Variants in DOCK3 observed in about 807,000 individuals in gnomAD.
DOCK3 encodes dedicator of cytokinesis protein 3.
In DOCK3, 60 loss-of-function variants were observed where a neutral mutation model predicts 265.6. The observed-to-expected ratio is 0.23, with a 90% CI of 0.18 to 0.28. The LOEUF (loss-of-function observed/expected upper bound fraction) is 0.28. DOCK3 is among the 10% of genes least tolerant of loss of function. DOCK3 has a pLI of 1.00. For missense variants in DOCK3, 1,981 were observed against 2,594.3 expected (o/e 0.76, Z 5.14); for synonymous variants, 881 against 938.0 (o/e 0.94, Z 1.11).
chr3:50,933,512 A>G (rs190697812), intron 4 of DOCK3, among the ~76,000 whole-genome samples: 73 of 152,332 alleles, frequency 4.8e-4, no homozygotes, highest in African/African-American at 1.7e-3. Flanking sequence ...GGGAGTATGC[A>G]TTAAACTTTT....
intron 3 of DOCK3, among the ~76,000 whole-genome samples, chr3:50,867,605 GTT>G (rs55872881): frequency 0.11 from 15,570 of 141,358 alleles, 921 homozygotes; most frequent in Non-Finnish European, 0.13. Flanking sequence ...CTAGTTACCT[GTT>G]TTTTTTTTTT....
chr3:51,265,197 G>C (rs971521391), intron 23 of DOCK3, among the ~76,000 whole-genome samples: 1 of 152,166 alleles, frequency 6.6e-6, no homozygotes, highest in Non-Finnish European at 1.5e-5. Context: ...ATCTGAAATT[G>C]AGGTAGAAAT....
intron 5 of DOCK3, among the ~76,000 whole-genome samples, chr3:50,970,256 A>G (rs1172965244): frequency 6.6e-6 from 1 of 152,000 alleles, no homozygotes; most frequent in African/African-American, 2.4e-5. Flanking sequence ...AGATAGTTGG[A>G]TGACTATGTC....
intron 32 of DOCK3, 65 bp downstream of exon 32, chr3:51,315,193 C>G: frequency 6.8e-7 from 1 of 1,474,006 alleles, no homozygotes; most frequent in East Asian, 2.5e-5. Context: ...GGCAGGTGGC[C>G]TAGATGACCA....
At chr3:51,086,045 T>C (rs1261817345) in intron 7 of DOCK3, among the ~76,000 whole-genome samples, 1 of 152,162 alleles carries the variant, frequency 6.6e-6, no homozygotes, top group Non-Finnish European at 1.5e-5. Flanking sequence ...ATCAGGAGTC[T>C]CACAGCCTTC....
intron 31 of DOCK3, 51 bp from the exon 32 acceptor site, chr3:51,314,929 T>C (rs888064462): frequency 1.3e-6 from 2 of 1,535,106 alleles, no homozygotes; most frequent in Admixed American, 1.9e-5. Context: ...TTGGGAATCT[T>C]CCATGGAAGG....
chr3:51,277,498 T>C (rs2080879047), intron 25 of DOCK3, 110 bp from the exon 26 acceptor site: 16 of 1,353,464 alleles, frequency 1.2e-5, no homozygotes, highest in South Asian at 4.9e-5. Flanking sequence ...GAGAGCTTGG[T>C]GTTGGGAATC....
chr3:50,853,234 C>T (rs980173125), intron 3 of DOCK3, among the ~76,000 whole-genome samples: 7 of 152,014 alleles, frequency 4.6e-5, no homozygotes, highest in East Asian at 1.9e-4. Context: ...TGTCTCTTCA[C>T]GAGATCCACT....
chr3:51,297,927 A>G (rs967734640), intron 27 of DOCK3, among the ~76,000 whole-genome samples: 1 of 152,148 alleles, frequency 6.6e-6, no homozygotes, highest in Admixed American at 6.5e-5. Context: ...TCGATGCTAC[A>G]GTGAACTATG....
chr3:50,733,155 A>G (rs969548103), intron 1 of DOCK3, among the ~76,000 whole-genome samples: 3 of 152,192 alleles, frequency 2.0e-5, no homozygotes, highest in Non-Finnish European at 2.9e-5. Flanking sequence ...AATATATGGT[A>G]TATCCTAGAG....
At chr3:50,887,589 G>C (rs2048407660) in intron 3 of DOCK3, among the ~76,000 whole-genome samples, 1 of 85,912 alleles carries the variant, frequency 1.2e-5, no homozygotes, top group African/African-American at 4.7e-5. Flanking sequence ...CAATATACCT[G>C]ATGAACATCG....
intron 4 of DOCK3, among the ~76,000 whole-genome samples, chr3:50,930,545 G>A (rs972207065): frequency 6.6e-6 from 1 of 152,178 alleles, no homozygotes; most frequent in South Asian, 2.1e-4. Context: ...CTGGGCCCCA[G>A]CCCAGGTCCT....
chr3:51,380,727 CCCT>C (rs563769471), intron 52 of DOCK3, among the ~76,000 whole-genome samples: 386 of 152,246 alleles, frequency 2.5e-3, no homozygotes, highest in African/African-American at 9.0e-3. Context: ...TTCTTTCTGC[CCCT>C]CCTCAACAGG....
intron 20 of DOCK3, among the ~76,000 whole-genome samples, 194 bp from the exon 21 acceptor site, chr3:51,237,296 G>T (rs2078389302): frequency 6.6e-6 from 1 of 152,186 alleles, no homozygotes; most frequent in African/African-American, 2.4e-5. Context: ...GAATTAGGAG[G>T]CTGGGGTGTT....
chr3:51,048,301 GT>G (rs2080853466), intron 5 of DOCK3, among the ~76,000 whole-genome samples: 1 of 152,084 alleles, frequency 6.6e-6, no homozygotes, highest in Admixed American at 6.6e-5. Flanking sequence ...AAAGCTGATG[GT>G]TTTCTTCTAA....
At chr3:50,747,179 C>T (rs951301693) in intron 1 of DOCK3, among the ~76,000 whole-genome samples, 10 of 152,206 alleles carry the variant, frequency 6.6e-5, no homozygotes, top group African/African-American at 2.4e-4. Context: ...GTATTTACCA[C>T]ATATTAGTCT....
chr3:50,894,625 A>G (rs1476374047), intron 4 of DOCK3, among the ~76,000 whole-genome samples: 2 of 152,154 alleles, frequency 1.3e-5, no homozygotes, highest in Non-Finnish European at 2.9e-5. Flanking sequence ...GAGTTAAAAG[A>G]CAAGTATTAA....
At chr3:51,171,773 C>A (rs112303002) in intron 12 of DOCK3, among the ~76,000 whole-genome samples, 1 of 151,522 alleles carries the variant, frequency 6.6e-6, no homozygotes, top group African/African-American at 2.4e-5. Flanking sequence ...TTGCTGTATC[C>A]CGGAAAATGT....
At chr3:51,297,451 G>C (rs1390411993) in intron 27 of DOCK3, among the ~76,000 whole-genome samples, 1 of 152,060 alleles carries the variant, frequency 6.6e-6, no homozygotes, top group Non-Finnish European at 1.5e-5. Context: ...ACACCTTGTG[G>C]TCTAGAATAT....
Sources: allele counts gnomAD v4.1 joint callset (sites outside exome capture counted in the v4.1 genomes callset), GRCh38; gene constraint gnomAD v4.1.1; transcripts MANE v1.5; gene names NCBI Gene and HGNC (gene_info 2026-07-23, HGNC 2026-07-21).